The following SEC62 variants were observed in gnomAD, a reference collection of about 807,000 sequenced individuals.
SEC62 encodes translocation protein SEC62.
Under a neutral mutation model 47.5 loss-of-function variants are expected in SEC62, and 10 were observed. That is an observed-to-expected ratio of 0.21 (90% CI 0.13 to 0.36). The LOEUF (loss-of-function observed/expected upper bound fraction) is 0.36, where lower values mean the gene tolerates loss of function less well. Among genes scored for constraint, SEC62 ranks in the 10% least tolerant of loss-of-function variants. The pLI, the probability that SEC62 is intolerant of heterozygous loss-of-function variation, is 1.00. For missense variants in SEC62, 327 were observed against 464.1 expected, an observed-to-expected ratio of 0.70 and a Z score of 2.71; for synonymous variants, 136 against 150.5, an observed-to-expected ratio of 0.90 and a Z score of 0.71.
At chr3:169,972,783 T>C (rs1714730143) in intron 1 of SEC62, among the ~76,000 whole-genome samples, 1 of 152,126 alleles carries the variant, frequency 6.6e-6, no homozygotes, top group Admixed American at 6.5e-5. Context: ...AAATAATAAT[T>C]ACTGCTTCTA....
chr3:169,989,513 A>T (rs1342662368), intron 7 of SEC62, among the ~76,000 whole-genome samples: 2 of 151,592 alleles, frequency 1.3e-5, no homozygotes, highest in East Asian at 3.9e-4. Context: ...TAATACCTGC[A>T]TCAAGAAGGA....
Position 169,975,618 on chromosome 3 carries a change from A to G in SEC62, c.47A>G (p.Glu16Gly). 6.2e-7 allele frequency: 1 copy of G among 1,608,994 alleles called. No individual in the cohort carries two copies. The highest frequency in any genetic ancestry group is 1.1e-5 in the South Asian group (1 of 90,960). Residue 16 changes from glutamate (E) to glycine (G), a missense_variant, in exon 2 of 8, where the codon GAA (glutamate) becomes GGA (glycine). By Grantham distance (98) the Glu-to-Gly change is moderately conservative. Coordinates refer to ENST00000337002, the MANE Select transcript of SEC62 (RefSeq NM_003262.4). The part of the protein sequence containing the change: ...RHKKRIQEVG[E>G]PSKEEKAVAK... ...ATTCATATGTTGCAGGAAGTTGGTG[A>G]ACCATCTAAAGAAGAGAAGGCTGTG...
intron 7 of SEC62, among the ~76,000 whole-genome samples, chr3:169,990,064 ATT>A (rs1164778795): frequency 2.7e-5 from 4 of 148,366 alleles, no homozygotes; most frequent in Non-Finnish European, 4.5e-5. Context: ...TGTCATATAT[ATT>A]ATATGATATC....
At chr3:169,985,281 G>C (rs528655860) in intron 5 of SEC62, 2 of 152,022 alleles carry the variant, frequency 1.3e-5, no homozygotes, top group African/African-American at 4.8e-5. Context: ...TTGCTCTGTC[G>C]CCCATGCTGG....
chr3:169,969,426 A>C (rs1347430265), intron 1 of SEC62: 3 of 449,422 alleles, frequency 6.7e-6, no homozygotes, highest in African/African-American at 4.0e-5. Context: ...ATAGATTAAC[A>C]ATGTGCTGCT....
chr3:169,982,875 GAAAA>G lies in SEC62; in HGVS notation c.426_429del (p.Lys143MetfsTer58). 2 of 1,531,680 alleles carry G rather than the reference GAAAA, an allele frequency of 1.3e-6. No individual in the cohort carries two copies. The highest frequency in any genetic ancestry group is 1.7e-6 in the Non-Finnish European group (2 of 1,144,482). The allele number at this position is 1,531,680 out of a possible 1,614,324, so 94.9% of individuals were successfully genotyped here. A position where few individuals can be genotyped will look rare whatever the true frequency, so the allele number is the denominator to read the frequency against. On this transcript the variant is annotated frameshift_variant, in exon 4 of 8. Transcript: ENST00000337002. LOFTEE classifies it high-confidence loss of function. The stretch of plus-strand genomic sequence containing the variant: ...ATGAGAAGACAAAAAAAGAAAAAGA[GAAAA>G]AAAAAGATGGTGAAAAGGAAGAATC...
intron 1 of SEC62, among the ~76,000 whole-genome samples, chr3:169,975,215 A>T (rs1346853642): frequency 1.4e-5 from 2 of 145,612 alleles, no homozygotes; most frequent in African/African-American, 5.0e-5. Context: ...CAGGAGGCAG[A>T]GGTTGCAGTG....
chr3:169,982,571 C>T lies in SEC62; in HGVS notation c.252-136C>T, dbSNP rs189464092. 3.6e-5 allele frequency: 36 copies of T among 1,005,022 alleles called. 1 individual carries two copies. Among genetic ancestry groups the T allele is most frequent in the African/African-American group, 3.0e-4 (19 of 62,426 alleles). The allele number at this position is 1,005,022 out of a possible 1,614,324, so 62.3% of individuals were successfully genotyped here. ...AGTGGTAGAGTTGACTACTTTTTCA[C>T]GGGCATACTAGTTGTAATTTCTCTT... On this transcript the variant is annotated intron_variant, in intron 3 of 7. Transcript: ENST00000337002.
At chr3:169,975,512 C>T (rs1205736502) in intron 1 of SEC62, 96 bp from the exon 2 acceptor site, 4 of 823,374 alleles carry the variant, frequency 4.9e-6, no homozygotes, top group Non-Finnish European at 7.8e-6. Flanking sequence ...CTGTACTCCA[C>T]TTGAAAAGAT....
intron 3 of SEC62, among the ~76,000 whole-genome samples, chr3:169,979,551 A>T (rs1714922928): frequency 6.6e-6 from 1 of 152,166 alleles, no homozygotes; most frequent in African/African-American, 2.4e-5. Context: ...AGTCTTGTGC[A>T]CATGCCACAC....
intron 3 of SEC62, among the ~76,000 whole-genome samples, chr3:169,979,081 C>CA (rs1438490465): frequency 1.3e-5 from 2 of 152,106 alleles, no homozygotes; most frequent in Non-Finnish European, 2.9e-5. Context: ...TTGAAAAGCT[C>CA]AAAAGACCTG....
chr3:169,975,298 A>AAC (rs397961651), intron 1 of SEC62, among the ~76,000 whole-genome samples: 4 of 151,692 alleles, frequency 2.6e-5, no homozygotes, highest in African/African-American at 9.7e-5. Flanking sequence ...AAAAAAAAAA[A>AAC]GACCGTATAA....
intron 7 of SEC62, among the ~76,000 whole-genome samples, chr3:169,991,757 G>T (rs547109261): frequency 1.3e-5 from 2 of 152,212 alleles, no homozygotes; most frequent in Non-Finnish European, 2.9e-5. Flanking sequence ...TAATACTGGG[G>T]TTCCTTATCC....
At chr3:169,980,523 G>A (rs951032955) in intron 3 of SEC62, among the ~76,000 whole-genome samples, 17 of 152,196 alleles carry the variant, frequency 1.1e-4, no homozygotes, top group African/African-American at 2.4e-4. Context: ...CTTTTCTTTC[G>A]TGGGGGTGGG....
In SEC62 at chr3:169,993,359, G is replaced by T; in HGVS notation, c.*296G>T. The T allele has an allele frequency of 4.0e-6, 1 of 252,702 alleles. No homozygotes were observed. Among genetic ancestry groups the T allele is most frequent in the East Asian group, 8.1e-5 (1 of 12,358 alleles). 15.7% of individuals were successfully genotyped at this position (252,702 alleles called of 1,614,324 possible). ...TTCCACAGTTAAATTTACATTAATG[G>T]CAATTTTTGATAGTTTTATGGCTTT... On this transcript the variant is annotated 3_prime_UTR_variant, in exon 8 of 8. Coordinates refer to ENST00000337002, the MANE Select transcript of SEC62 (RefSeq NM_003262.4).
chr3:169,988,969 G>A (rs1435811897), intron 7 of SEC62, among the ~76,000 whole-genome samples: 1 of 151,482 alleles, frequency 6.6e-6, no homozygotes, highest in African/African-American at 2.4e-5. Context: ...TGCCATTTTG[G>A]GAAAAATCAA....
chr3:169,992,616 C>G lies in SEC62; in HGVS notation c.753C>G (p.Ile251Met), dbSNP rs1458961019. 6.2e-7 allele frequency: 1 copy of G among 1,613,176 alleles called. No individual in the cohort carries two copies. The highest frequency in any genetic ancestry group is 1.7e-5 in the Admixed American group (1 of 59,786). ...CAGCTCGATGCATTCTATTTCTCATCATTTGGCTCATAACTGGAGGAAGGC... is the reference window on the plus strand; with the variant it reads ...CAGCTCGATGCATTCTATTTCTCATGATTTGGCTCATAACTGGAGGAAGGC... ...LAVARCILFL[I>M]IWLITGGRHH... The change falls in exon 8 of 8, where the codon ATC becomes ATG. Residue 251 changes from isoleucine (I) to methionine (M), a missense_variant. Coordinates refer to ENST00000337002, the MANE Select transcript of SEC62 (RefSeq NM_003262.4). The surrounding 1 kb of genome is among the most constrained non-coding windows in gnomAD (Gnocchi z 4.0).
At chr3:169,990,398 G>T (rs1051864662) in intron 7 of SEC62, among the ~76,000 whole-genome samples, 1 of 151,610 alleles carries the variant, frequency 6.6e-6, no homozygotes, top group Non-Finnish European at 1.5e-5. Context: ...AAAATCTGTC[G>T]CTTTTAGCAT....
intron 1 of SEC62, among the ~76,000 whole-genome samples, chr3:169,971,564 G>A (rs9834784): frequency 0.23 from 35,274 of 152,114 alleles, 4,338 homozygotes; most frequent in East Asian, 0.31. Flanking sequence ...ATCCAAGTCC[G>A]TGTTTTCTGG....
Sources: gnomAD v4.1 joint callset for allele counts (sites outside exome capture counted in the v4.1 genomes callset) on GRCh38, gnomAD v4.1.1 for gene constraint, Gnocchi (gnomAD v3.1) non-coding constraint, MANE v1.5 for transcripts, NCBI Gene and HGNC (gene_info 2026-07-23, HGNC 2026-07-21) for gene names.